ABCB9: variants seen among roughly 807,000 people sequenced by gnomAD.
ABCB9 encodes the protein ATP binding cassette subfamily B member 9.
ABCB9 carries 36 observed loss-of-function variants against 62.0 expected under a neutral mutation model. The observed-to-expected ratio is 0.58, with a 90% CI of 0.45 to 0.77. The LOEUF is 0.77. ABCB9 is among the 30% of genes least tolerant of loss of function. ABCB9 has a pLI of 0.00. For missense variants in ABCB9, 943 were observed against 1,054.7 expected (o/e 0.89, Z 1.47); for synonymous variants, 435 against 461.4 (o/e 0.94, Z 0.73).
chr12:122,950,513 G>A lies in ABCB9; in HGVS notation c.654C>T (p.Ile218=). The change falls in exon 3 of 12, where the codon ATC becomes ATT. Residue 218 remains isoleucine (I), a synonymous_variant. Transcript: ENST00000280560. The stretch of plus-strand genomic sequence containing the variant: ...TGCTGAACTGATCCATGCTTTTCTG[G>A]ATGACGATGCCATCAATGGCGCGGC... ...YTGRAIDGIV[I]QKSMDQFSTA... The A allele has an allele frequency of 6.2e-7, 1 of 1,613,448 alleles. No individual in the cohort carries two copies. Among genetic ancestry groups the A allele is most frequent in the South Asian group, 1.1e-5 (1 of 91,078 alleles).
chr12:122,949,662 C>T, intron 4 of ABCB9, 126 bp downstream of exon 4: 1 of 1,294,872 alleles, frequency 7.7e-7, no homozygotes, highest in South Asian at 1.3e-5. Context: ...CCAGCCTGAA[C>T]TAACAGCAGG....
At chr12:122,949,967 G>T in intron 3 of ABCB9, 49 bp from the exon 4 acceptor site, 2 of 1,609,806 alleles carry the variant, frequency 1.2e-6, no homozygotes, top group South Asian at 2.2e-5. Context: ...CCAGACCAGT[G>T]ACCACACCCG....
intron 1 of ABCB9, among the ~76,000 whole-genome samples, chr12:122,973,754 G>A (rs919121984): frequency 2.2e-4 from 33 of 152,064 alleles, no homozygotes; most frequent in Admixed American, 2.0e-3. Flanking sequence ...CCAGCTACTC[G>A]GGAGGCTGAG....
At position 122,932,378 on chromosome 12, in the gene ABCB9, G is replaced by T. The variant is rs2035225451; in HGVS notation, c.1904-50C>A. The T allele has an allele frequency of 1.3e-6, 2 of 1,518,876 alleles. No individual in the cohort carries two copies. The highest frequency in any genetic ancestry group is 4.9e-5 in the East Asian group (2 of 40,432). The allele number at this position is 1,518,876 out of a possible 1,614,324, so 94.1% of individuals were successfully genotyped here. ...ATTTAGCAATGGGTGAGGCCGGGCA[G>T]CACCGGGGAAGAGTGAGAGGCCCTG... On this transcript the variant is annotated intron_variant, in intron 10 of 11. Transcript: ENST00000280560. The surrounding 1 kb of genome is among the most constrained non-coding windows in gnomAD (Gnocchi z 4.7).
intron 5 of ABCB9, 33 bp downstream of exon 5, chr12:122,948,591 G>A (rs563828793): frequency 1.1e-4 from 166 of 1,557,108 alleles, no homozygotes; most frequent in Non-Finnish European, 1.3e-4. Flanking sequence ...CTGCCAGGGT[G>A]CACAGTCCCC....
upstream of ABCB9, among the ~76,000 whole-genome samples, chr12:122,969,242 C>G (rs1215187061): frequency 6.6e-6 from 1 of 150,970 alleles, no homozygotes; most frequent in Non-Finnish European, 1.5e-5. Flanking sequence ...GCATCCCCAG[C>G]CTAGTCACAG....
intron 2 of ABCB9, among the ~76,000 whole-genome samples, chr12:122,957,131 C>T (rs2036644426): frequency 6.6e-6 from 1 of 151,868 alleles, no homozygotes; most frequent in African/African-American, 2.4e-5. Flanking sequence ...AACTCAAGCT[C>T]CTGAGCTCAA....
Position 122,960,042 on chromosome 12 carries a change from G to A in ABCB9, c.194C>T (p.Thr65Ile), listed in dbSNP as rs767034092. Residue 65 changes from threonine (T) to isoleucine (I), a missense_variant, in exon 2 of 12, where the codon ACC becomes ATC. Coordinates refer to ENST00000280560, the MANE Select transcript of ABCB9 (RefSeq NM_019625.4). The part of the protein sequence containing the change: ...LYRSCLLLGA[T>I]IGVAKNSALG... The stretch of plus-strand genomic sequence containing the variant: ...CGCACTGTTCTTGGCCACACCAATG[G>A]TGGCTCCCAGCAGCAGGCAGCTGCG... The A allele has an allele frequency of 2.4e-5, 39 of 1,613,514 alleles. 2 individuals are homozygous for A. The South Asian group carries it at 4.0e-4, about 16-fold the overall frequency.
In ABCB9 at chr12:122,935,445, A is replaced by G. The variant is rs777478165; in HGVS notation, c.1744-14T>C. On this transcript the variant is annotated splice_polypyrimidine_tract_variant and intron_variant, in intron 9 of 11. Transcript: ENST00000280560. ...CACCAGGGAGATCTGGGGAGGAGGG[A>G]GCATGGAGCATGAGAGGCCAGGAAT... 1 of 1,610,306 alleles carries G rather than the reference A, an allele frequency of 6.2e-7. No individual in the cohort carries two copies. Among genetic ancestry groups the G allele is most frequent in the East Asian group, 2.2e-5 (1 of 44,788 alleles).
intron 2 of ABCB9, among the ~76,000 whole-genome samples, chr12:122,951,242 T>G (rs1456104502): frequency 7.1e-6 from 1 of 140,972 alleles, no homozygotes; most frequent in South Asian, 2.2e-4. Context: ...ATATTTTCCT[T>G]TTTTTTTTTT....
At chr12:122,934,932 T>C (rs1044376266) in intron 10 of ABCB9, among the ~76,000 whole-genome samples, 1 of 152,074 alleles carries the variant, frequency 6.6e-6, no homozygotes, top group Non-Finnish European at 1.5e-5. Context: ...CCTCCTCCTC[T>C]GCCTCCACCT....
At chr12:122,928,577 G>T (rs1417390259), downstream of ABCB9, among the ~76,000 whole-genome samples, 1 of 152,016 alleles carries the variant, frequency 6.6e-6, no homozygotes. Flanking sequence ...CCACCGCAGG[G>T]GTCTTCCTGT....
At chr12:122,953,076 G>T in intron 2 of ABCB9, 1 of 152,378 alleles carries the variant, frequency 6.6e-6, no homozygotes, top group Non-Finnish European at 1.5e-5. Flanking sequence ...CGCTAGCAGA[G>T]ACCTTTGTCT....
downstream of ABCB9, among the ~76,000 whole-genome samples, chr12:122,920,172 C>T (rs1038336906): frequency 6.6e-6 from 1 of 152,088 alleles, no homozygotes; most frequent in Non-Finnish European, 1.5e-5. Context: ...TGAGCCACCA[C>T]GCCCAGCCAA....
intron 2 of ABCB9, among the ~76,000 whole-genome samples, chr12:122,953,281 C>T (rs1031759724): frequency 6.6e-6 from 1 of 151,624 alleles, no homozygotes; most frequent in Non-Finnish European, 1.5e-5. Flanking sequence ...GGCATGATCT[C>T]AGCTCACTGC....
chr12:122,946,160 G>T lies in ABCB9; in HGVS notation c.1116C>A (p.Ile372=), dbSNP rs369182937. 89 of 1,614,032 alleles carry T rather than the reference G, an allele frequency of 5.5e-5. No homozygotes were observed. The highest frequency in any genetic ancestry group is 7.4e-5 in the Non-Finnish European group (87 of 1,180,032). The stretch of plus-strand genomic sequence containing the variant: ...AGCTCCGGACAGTCTTCATGGCACT[G>T]ATGGTCTCCTCCGCCGTGTTGCTCG... ...ARASNTAEET[I]SAMKTVRSFA... The change falls in exon 6 of 12, where the codon ATC becomes ATA. Residue 372 remains isoleucine (I), a synonymous_variant. Coordinates refer to ENST00000280560, the MANE Select transcript of ABCB9 (RefSeq NM_019625.4).
chr12:122,920,238 A>G (rs190537505), downstream of ABCB9, among the ~76,000 whole-genome samples: 2 of 152,274 alleles, frequency 1.3e-5, no homozygotes, highest in East Asian at 1.9e-4. Context: ...AAAAACCAGG[A>G]AAGAGAAACC....
chr12:122,922,673 C>T (rs2034777818), intron 11 of ABCB9, among the ~76,000 whole-genome samples: 1 of 152,074 alleles, frequency 6.6e-6, no homozygotes, highest in South Asian at 2.1e-4. Flanking sequence ...GCCACTGCAC[C>T]CAGCCAAGTC....
At chr12:122,973,435 G>C in intron 1 of ABCB9, among the ~76,000 whole-genome samples, 1 of 147,876 alleles carries the variant, frequency 6.8e-6, no homozygotes, top group Non-Finnish European at 1.5e-5. Context: ...GCGGTGGCGG[G>C]CGCCTGTAGT....
Sources: gnomAD v4.1 joint callset for allele counts (sites outside exome capture counted in the v4.1 genomes callset) on GRCh38, gnomAD v4.1.1 for gene constraint, Gnocchi (gnomAD v3.1) non-coding constraint, MANE v1.5 for transcripts, NCBI Gene and HGNC (gene_info 2026-07-23, HGNC 2026-07-21) for gene names.